DNAH14: variants seen among roughly 807,000 people sequenced by gnomAD.
DNAH14 encodes dynein axonemal heavy chain 14.
In DNAH14, 478 loss-of-function variants were observed where a neutral mutation model predicts 520.9. That is an observed-to-expected ratio of 0.92 (90% confidence interval 0.85 to 0.99). The LOEUF is 0.99. Ranked by LOEUF, DNAH14 falls within the 50% of genes least tolerant of loss-of-function variation. The pLI is 0.00. For missense variants in DNAH14, 4,831 were observed against 5,234.5 expected (o/e 0.92, Z 2.38); for synonymous variants, 1,581 against 1,757.2 (o/e 0.90, Z 2.51).
chr1:224,941,740 T>A (rs1344940287), intron 1 of DNAH14, among the ~76,000 whole-genome samples: 1 of 152,232 alleles, frequency 6.6e-6, no homozygotes, highest in East Asian at 1.9e-4. Flanking sequence ...TAGCCAGTTT[T>A]CCCAGCACCA....
intron 84 of DNAH14, among the ~76,000 whole-genome samples, 191 bp from the exon 85 acceptor site, chr1:225,398,329 T>C (rs567515643): frequency 2.6e-5 from 4 of 152,354 alleles, no homozygotes; most frequent in African/African-American, 4.8e-5. Flanking sequence ...ATTATATAGA[T>C]ACACCTAAGC....
Position 225,367,900 on chromosome 1 carries a change from T to G in DNAH14, c.12186T>G (p.Asn4062Lys), listed in dbSNP as rs12737248. The G allele has an allele frequency of 0.52, 802,441 of 1,550,736 alleles. 215,967 individuals are homozygous for G. The highest frequency in any genetic ancestry group is 0.63 in the Middle Eastern group (3,751 of 5,990). The change falls in exon 77 of 86, where the codon AAT becomes AAG. Residue 4062 changes from asparagine to lysine, a missense_variant. Transcript: ENST00000682510. ...SGEVTEEIFENPDCGQWWKKL... is the reference protein window; with the variant it reads ...SGEVTEEIFEKPDCGQWWKKL... The stretch of plus-strand genomic sequence containing the variant: ...AGGTAACAGAAGAGATATTTGAAAA[T>G]CCTGACTGTGGACAATGGTGGAAAA...
At chr1:225,392,159 C>T in intron 83 of DNAH14, 132 bp from the exon 84 acceptor site, 2 of 1,163,258 alleles carry the variant, frequency 1.7e-6, no homozygotes, top group Non-Finnish European at 2.4e-6. Flanking sequence ...TGCTCCCGCC[C>T]AGCCCATCTC....
intron 17 of DNAH14, among the ~76,000 whole-genome samples, chr1:225,065,381 T>G (rs2070742273): frequency 6.6e-6 from 1 of 151,800 alleles, no homozygotes; most frequent in Non-Finnish European, 1.5e-5. Context: ...CTCTTGGTGA[T>G]TTTGAAATGC....
chr1:225,346,692 C>T (rs976269959), intron 71 of DNAH14, 38 bp downstream of exon 71: 2 of 1,461,122 alleles, frequency 1.4e-6, no homozygotes, highest in Non-Finnish European at 1.8e-6. Context: ...AGTAAAAGTC[C>T]ATTAAAAGTG....
At chr1:225,347,863 C>T (rs574157462) in intron 71 of DNAH14, among the ~76,000 whole-genome samples, 4 of 152,150 alleles carry the variant, frequency 2.6e-5, no homozygotes, top group East Asian at 1.9e-4. Flanking sequence ...ACTCCAGAAA[C>T]GAGTCCCACA....
At chr1:225,300,739 T>A in intron 55 of DNAH14, 130 bp from the exon 56 acceptor site, 423 of 794,726 alleles carry the variant, frequency 5.3e-4, no homozygotes, top group Middle Eastern at 8.5e-4. Flanking sequence ...AGATTAGCTT[T>A]AAAAAAAAAA....
At position 225,339,019 on chromosome 1, in the gene DNAH14, G is replaced by A. The variant is rs139547397; in HGVS notation, c.10433+837G>A. On this transcript the variant is annotated intron_variant, in intron 68 of 85. Transcript: ENST00000682510. ...CCTTAGAATTCTCTCTTCTGTGGCC[G>A]GGCGTGGTGGCGCACGCCTGTAATC... is the stretch of plus-strand genomic sequence containing the variant. 6.2e-3 allele frequency among the ~76,000 whole-genome samples: 937 copies of A among 152,170 alleles called. 10 individuals are homozygous for A. Among genetic ancestry groups the A allele is most frequent in the Non-Finnish European group, 8.7e-3 (589 of 67,996 alleles).
chr1:225,169,247 C>T (rs1358319369), intron 36 of DNAH14, among the ~76,000 whole-genome samples: 3 of 152,208 alleles, frequency 2.0e-5, no homozygotes, highest in African/African-American at 7.2e-5. Flanking sequence ...GCCTCTCCTC[C>T]TCCAAAGGAA....
At chr1:225,085,294 G>C (rs965807100) in intron 20 of DNAH14, among the ~76,000 whole-genome samples, 1 of 152,218 alleles carries the variant, frequency 6.6e-6, no homozygotes, top group African/African-American at 2.4e-5. Flanking sequence ...TTTATAACTG[G>C]CTAGAATCAG....
chr1:225,127,683 T>A (rs1177305061), intron 27 of DNAH14, among the ~76,000 whole-genome samples: 1 of 152,194 alleles, frequency 6.6e-6, no homozygotes, highest in Non-Finnish European at 1.5e-5. Context: ...CTGTGTCTTT[T>A]AATGGGAGCG....
intron 8 of DNAH14, among the ~76,000 whole-genome samples, chr1:224,987,457 AG>A (rs2062721544): frequency 6.6e-6 from 1 of 152,088 alleles, no homozygotes; most frequent in Non-Finnish European, 1.5e-5. Context: ...TCATTTATGG[AG>A]AAAAAGAAGC....
intron 1 of DNAH14, among the ~76,000 whole-genome samples, chr1:224,943,962 G>A (rs1229969890): frequency 6.6e-6 from 1 of 152,164 alleles, no homozygotes; most frequent in South Asian, 2.1e-4. Flanking sequence ...TGAGAAGAAT[G>A]TATATTCTGT....
intron 76 of DNAH14, among the ~76,000 whole-genome samples, chr1:225,365,569 C>T (rs1032631160): frequency 1.3e-5 from 2 of 152,190 alleles, no homozygotes; most frequent in Admixed American, 6.5e-5. Flanking sequence ...CACACTGCTT[C>T]TCAGCTCTGC....
chr1:225,185,256 T>C, intron 36 of DNAH14, 35 bp from the exon 37 acceptor site: 1 of 1,532,276 alleles, frequency 6.5e-7, no homozygotes, highest in Non-Finnish European at 8.8e-7. Context: ...CTTAAAATCA[T>C]TAATGAATGA....
intron 16 of DNAH14, among the ~76,000 whole-genome samples, chr1:225,050,876 G>C (rs985611210): frequency 6.6e-6 from 1 of 152,192 alleles, no homozygotes; most frequent in African/African-American, 2.4e-5. Flanking sequence ...AGATGAAACT[G>C]TTCCACCTCA....
intron 27 of DNAH14, among the ~76,000 whole-genome samples, chr1:225,132,810 G>A (rs2078565108): frequency 6.6e-6 from 1 of 152,192 alleles, no homozygotes; most frequent in Non-Finnish European, 1.5e-5. Context: ...CTTCCATGAT[G>A]TTAAACTGAT....
chr1:225,158,681 T>G (rs1441037812), intron 34 of DNAH14, among the ~76,000 whole-genome samples: 1 of 152,238 alleles, frequency 6.6e-6, no homozygotes, highest in Non-Finnish European at 1.5e-5. Context: ...CACACAACCT[T>G]GGCAAGTCAG....
chr1:225,063,238 C>T (rs1418586147), intron 17 of DNAH14, among the ~76,000 whole-genome samples: 2 of 152,118 alleles, frequency 1.3e-5, no homozygotes, highest in South Asian at 2.1e-4. Flanking sequence ...TCCATAGATA[C>T]TCAAGTCCCT....
Sources: gnomAD v4.1 joint callset for allele counts (sites outside exome capture counted in the v4.1 genomes callset) on GRCh38, gnomAD v4.1.1 for gene constraint, MANE v1.5 for transcripts, NCBI Gene and HGNC (gene_info 2026-07-23, HGNC 2026-07-21) for gene names.